Variants in KAZN observed in about 807,000 individuals in gnomAD.
The protein encoded by KAZN is kazrin, periplakin interacting protein, also known as kazrin.
In KAZN, 40 loss-of-function variants were observed where a neutral mutation model predicts 87.4. The ratio of observed to expected loss-of-function variants is 0.46; its 90% CI spans 0.36 to 0.60. KAZN has a LOEUF of 0.60. KAZN is among the 20% of genes least tolerant of loss of function. The probability of loss-of-function intolerance (pLI) is 0.00; values close to 1 mark genes in which losing one functional copy is unlikely to be tolerated. For synonymous variants in KAZN, 466 were observed against 458.3 expected (o/e 1.02, Z -0.22); for missense variants, 898 against 1,073.9 (o/e 0.84, Z 2.29).
intron 1 of KAZN, among the ~76,000 whole-genome samples, chr1:14,019,950 A>G (rs531777285): frequency 3.3e-5 from 5 of 152,260 alleles, no homozygotes; most frequent in African/African-American, 9.6e-5. Context: ...ATTGAAATAT[A>G]TAATGAAATA....
intron 1 of KAZN, among the ~76,000 whole-genome samples, chr1:13,935,925 T>C (rs1289902920): frequency 3.3e-5 from 5 of 150,732 alleles, no homozygotes; most frequent in Non-Finnish European, 5.9e-5. Context: ...TTATTTAATA[T>C]ATGTACATCA....
intron 2 of KAZN, among the ~76,000 whole-genome samples, chr1:14,191,475 G>A (rs1646418357): frequency 6.6e-6 from 1 of 152,050 alleles, no homozygotes; most frequent in Admixed American, 6.6e-5. Flanking sequence ...TTGATTTGGA[G>A]ATTGAAAATC....
At chr1:14,877,664 C>T (rs142584103) in intron 1 of KAZN, among the ~76,000 whole-genome samples, 339 of 152,298 alleles carry the variant, frequency 2.2e-3, no homozygotes, top group African/African-American at 6.9e-3. Context: ...GTTCTTTCTC[C>T]TCTCTGTGCT....
intron 1 of KAZN, among the ~76,000 whole-genome samples, chr1:13,905,461 A>G (rs1453143883): frequency 6.6e-6 from 1 of 152,132 alleles, no homozygotes; most frequent in Non-Finnish European, 1.5e-5. Context: ...AAGGGAGATC[A>G]CTCTCAACCC....
At chr1:15,029,811 C>T (rs998360980) in intron 2 of KAZN, among the ~76,000 whole-genome samples, 1 of 152,202 alleles carries the variant, frequency 6.6e-6, no homozygotes, top group Admixed American at 6.5e-5. Context: ...TCCCTGCCAA[C>T]CAGAGGGCAG....
intron 2 of KAZN, among the ~76,000 whole-genome samples, chr1:14,419,666 C>G (rs902149483): frequency 3.9e-5 from 6 of 152,308 alleles, no homozygotes; most frequent in Admixed American, 1.3e-4. Context: ...TTCAGAGTTC[C>G]TTCCTTCTGG....
intron 1 of KAZN, among the ~76,000 whole-genome samples, chr1:14,120,056 G>A (rs1644717826): frequency 6.6e-6 from 1 of 152,174 alleles, no homozygotes; most frequent in Admixed American, 6.5e-5. Flanking sequence ...TGGTTTTCCT[G>A]TGTATATTGT....
intron 1 of KAZN, among the ~76,000 whole-genome samples, chr1:14,626,519 C>T (rs1025017821): frequency 4.6e-5 from 7 of 152,306 alleles, no homozygotes; most frequent in East Asian, 1.9e-4. Flanking sequence ...GTTACCATCC[C>T]GGCTGGGGGT....
At chr1:14,788,788 C>T (rs994338547) in intron 1 of KAZN, among the ~76,000 whole-genome samples, 3 of 151,986 alleles carry the variant, frequency 2.0e-5, no homozygotes, top group African/African-American at 4.8e-5. Context: ...CACTTGTACA[C>T]GTGGGAGGTC....
chr1:14,230,783 A>G (rs544331426), intron 2 of KAZN, among the ~76,000 whole-genome samples: 42 of 152,268 alleles, frequency 2.8e-4, no homozygotes, highest in African/African-American at 9.1e-4. Context: ...AGAAGGTTAT[A>G]AACAATGATT....
At chr1:13,929,984 T>C (rs534982794) in intron 1 of KAZN, among the ~76,000 whole-genome samples, 1 of 152,324 alleles carries the variant, frequency 6.6e-6, no homozygotes, top group South Asian at 2.1e-4. Context: ...AGCCAGAATT[T>C]GAACTCAGGC....
intron 1 of KAZN, among the ~76,000 whole-genome samples, chr1:14,149,104 C>CTTTTT (rs57657728): frequency 0.13 from 8,773 of 67,580 alleles, 1,268 homozygotes; most frequent in East Asian, 0.43. Flanking sequence ...TCTTTCTTTC[C>CTTTTT]TTTTTTTTTT....
At chr1:14,047,851 G>C (rs2101441509) in intron 1 of KAZN, among the ~76,000 whole-genome samples, 1 of 150,174 alleles carries the variant, frequency 6.7e-6, no homozygotes, top group South Asian at 2.1e-4. Flanking sequence ...CTGGGTGACA[G>C]AGTGAGACTC....
chr1:14,907,770 T>C (rs920699036), intron 1 of KAZN, among the ~76,000 whole-genome samples: 1 of 151,860 alleles, frequency 6.6e-6, no homozygotes, highest in African/African-American at 2.4e-5. Context: ...TGAAGGAGCA[T>C]GATGGGGGAT....
chr1:14,364,491 T>C (rs537511330), intron 2 of KAZN, among the ~76,000 whole-genome samples: 3 of 152,330 alleles, frequency 2.0e-5, no homozygotes, highest in Admixed American at 2.0e-4. Flanking sequence ...ATGGGAATAA[T>C]GATGCTGGCC....
intron 2 of KAZN, among the ~76,000 whole-genome samples, chr1:14,402,723 T>G (rs960813222): frequency 2.6e-5 from 4 of 152,120 alleles, no homozygotes; most frequent in African/African-American, 9.7e-5. Context: ...GCTCTATCAG[T>G]TACCAAGACT....
In KAZN at chr1:14,715,429, T is replaced by C. The variant is rs1356906153; in HGVS notation, c.226+116206T>C. 2.0e-5 allele frequency among the ~76,000 whole-genome samples: 3 copies of C among 152,200 alleles called. No homozygotes were observed. The East Asian group carries it at 5.8e-4, about 29-fold the overall frequency. On this transcript the variant is annotated intron_variant, in intron 1 of 14. Coordinates refer to ENST00000376030, the MANE Select transcript of KAZN (RefSeq NM_201628.3). ...TGAGGTGACACTTGGCACCAAAGAA[T>C]GGCACAGCCTGGCAGCGAAGCTGTT...
In KAZN at chr1:14,769,012, C is replaced by T. The variant is rs1279554234; in HGVS notation, c.226+169789C>T. Among the ~76,000 whole-genome samples the T allele has an allele frequency of 2.0e-5, 3 of 152,232 alleles. No homozygotes were observed. Among genetic ancestry groups the T allele is most frequent in the Admixed American group, 6.5e-5 (1 of 15,284 alleles). On this transcript the variant is annotated intron_variant, in intron 1 of 14. Transcript: ENST00000376030. This position sits in a 1 kb window ranked among gnomAD's most constrained non-coding sequence, Gnocchi z 4.1. Reference sequence around the variant, plus strand: ...TAGAGCATTGCAGAATTCTTCACAGCTAGTTGACTTTCCGTAAAAGCTTCT... The same window carrying T: ...TAGAGCATTGCAGAATTCTTCACAGTTAGTTGACTTTCCGTAAAAGCTTCT...
At chr1:14,837,872 A>C (rs539649732) in intron 1 of KAZN, among the ~76,000 whole-genome samples, 1 of 152,306 alleles carries the variant, frequency 6.6e-6, no homozygotes, top group African/African-American at 2.4e-5. Context: ...TTTTGTGTGA[A>C]TATAAAACGG....
Sources: gnomAD v4.1 joint callset for allele counts (sites outside exome capture counted in the v4.1 genomes callset) on GRCh38, gnomAD v4.1.1 for gene constraint, Gnocchi (gnomAD v3.1) non-coding constraint, MANE v1.5 for transcripts, NCBI Gene and HGNC (gene_info 2026-07-23, HGNC 2026-07-21) for gene names.